The following FAM98B variants were observed in gnomAD, a reference collection of about 807,000 sequenced individuals.
The protein encoded by FAM98B is tRNA-splicing ligase complex subunit FAM98B.
A neutral mutation model predicts 43.9 loss-of-function variants in FAM98B; 32 were observed. That is an observed-to-expected ratio of 0.73 (90% CI 0.55 to 0.98). The LOEUF (loss-of-function observed/expected upper bound fraction) is 0.98, where lower values mean the gene tolerates loss of function less well. FAM98B is among the 50% of genes least tolerant of loss of function. The pLI is 0.00. For synonymous variants in FAM98B, 190 were observed against 174.0 expected (o/e 1.09, Z -0.72); for missense variants, 514 against 522.9 (o/e 0.98, Z 0.17).
At chr15:38,470,173 T>TTTCACTGAAATTA in intron 3 of FAM98B, 54 bp from the exon 4 acceptor site, 1 of 1,262,680 alleles carries the variant, frequency 7.9e-7, no homozygotes, top group Non-Finnish European at 1.1e-6. Context: ...CAGTGAAATA[T>TTTCACTGAAATTA]TTCAAGAGAT....
chr15:38,470,946 T>C (rs1315108780), intron 4 of FAM98B, among the ~76,000 whole-genome samples: 2 of 150,320 alleles, frequency 1.3e-5, no homozygotes, highest in Admixed American at 6.6e-5. Flanking sequence ...TTATGTACTT[T>C]GGCATTTTTT....
intron 1 of FAM98B, among the ~76,000 whole-genome samples, chr15:38,455,405 A>G (rs1320484051): frequency 6.6e-6 from 1 of 152,016 alleles, no homozygotes; most frequent in African/African-American, 2.4e-5. Flanking sequence ...CCCACACCCC[A>G]CTTTATCTTC....
intron 6 of FAM98B, among the ~76,000 whole-genome samples, chr15:38,478,699 T>G (rs939002259): frequency 6.6e-6 from 1 of 152,202 alleles, no homozygotes; most frequent in African/African-American, 2.4e-5. Flanking sequence ...ACTATTTGAT[T>G]AAGGGAAATG....
At chr15:38,483,702 TATATATATAC>T (rs1450841229) in intron 7 of FAM98B, 2 of 137,250 alleles carry the variant, frequency 1.5e-5, no homozygotes, top group African/African-American at 5.4e-5. Context: ...TATATATATA[TATATATATAC>T]ACTAAGGAAT....
chr15:38,471,812 C>T (rs1890134488), intron 4 of FAM98B, among the ~76,000 whole-genome samples: 1 of 152,140 alleles, frequency 6.6e-6, no homozygotes, highest in Admixed American at 6.5e-5. Flanking sequence ...ATAATTATAA[C>T]AGATACATAG....
chr15:38,484,890 C>A lies in FAM98B; in HGVS notation c.*231C>A. 1 of 533,376 alleles carries A rather than the reference C, an allele frequency of 1.9e-6. No individual in the cohort carries two copies. Among genetic ancestry groups the A allele is most frequent in the Non-Finnish European group, 2.8e-6 (1 of 353,282 alleles). 33.0% of individuals were successfully genotyped at this position (533,376 alleles called of 1,614,324 possible). On this transcript the variant is annotated 3_prime_UTR_variant, in exon 8 of 8. Transcript: ENST00000397609. ...CTGTGTACCCTTGAGCATGTTGTGTCTTTTTAAAAAACAAAAAAAAGAACA... is the reference window on the plus strand; with the variant it reads ...CTGTGTACCCTTGAGCATGTTGTGTATTTTTAAAAAACAAAAAAAAGAACA...
Position 38,474,371 on chromosome 15 carries a change from T to A in FAM98B, c.729+73T>A. ...GCTCTTCTGGCTTGCTTGTCTGTTA[T>A]GTAACCATGCCACATTTGTACTTCA... On this transcript the variant is annotated intron_variant, in intron 6 of 7. Coordinates refer to ENST00000397609, the MANE Select transcript of FAM98B (RefSeq NM_173611.4). 6.2e-6 allele frequency: 6 copies of A among 969,532 alleles called. No homozygotes were observed. In the East Asian group the frequency reaches 1.2e-4, roughly 20 times the overall value. The allele number at this position is 969,532 out of a possible 1,614,324, so 60.1% of individuals were successfully genotyped here. A position where few individuals can be genotyped will look rare whatever the true frequency, so the allele number is the denominator to read the frequency against.
At chr15:38,457,785 T>A (rs561949287) in intron 1 of FAM98B, among the ~76,000 whole-genome samples, 1 of 152,100 alleles carries the variant, frequency 6.6e-6, no homozygotes, top group South Asian at 2.1e-4. Flanking sequence ...GGGTGGCAAA[T>A]CTGAGTGGCC....
At chr15:38,471,520 G>C (rs1435590593) in intron 4 of FAM98B, among the ~76,000 whole-genome samples, 1 of 151,998 alleles carries the variant, frequency 6.6e-6, no homozygotes, top group African/African-American at 2.4e-5. Flanking sequence ...TTTTTATTTA[G>C]TATTAACATT....
Position 38,465,384 on chromosome 15 carries a change from G to A in FAM98B, c.333G>A (p.Glu111=), listed in dbSNP as rs1890013901. 4.4e-6 allele frequency: 7 copies of A among 1,595,236 alleles called. No homozygotes were observed. The highest frequency in any genetic ancestry group is 3.3e-4 in the Middle Eastern group (2 of 5,994). ...TTAAAGATCGTTTAAAAAAGAAGGA[G>A]GACTGTTTGAAACTTCTATGTAAGT... ...GDIKDRLKKK[E]DCLKLLLFLS... Residue 111 remains glutamate (E), a synonymous_variant, in exon 3 of 8, where the codon GAG becomes GAA. Transcript: ENST00000397609.
intron 3 of FAM98B, among the ~76,000 whole-genome samples, chr15:38,465,689 G>A (rs998936404): frequency 3.6e-4 from 55 of 151,776 alleles, no homozygotes; most frequent in African/African-American, 1.3e-3. Flanking sequence ...GTTATTGTTC[G>A]TGACTATATG....
chr15:38,470,038 CACTT>C (rs971097270), intron 3 of FAM98B, among the ~76,000 whole-genome samples, 185 bp from the exon 4 acceptor site: 30 of 152,130 alleles, frequency 2.0e-4, no homozygotes, highest in Non-Finnish European at 3.2e-4. Context: ...AAAAACGTAA[CACTT>C]GCTATGGACT....
intron 6 of FAM98B, among the ~76,000 whole-genome samples, chr15:38,480,372 A>C (rs962323347): frequency 1.3e-5 from 2 of 151,994 alleles, no homozygotes; most frequent in Non-Finnish European, 2.9e-5. Flanking sequence ...GCATTCATAG[A>C]TTTATGAGGC....
chr15:38,464,306 G>T, intron 2 of FAM98B, 129 bp downstream of exon 2: 1 of 846,730 alleles, frequency 1.2e-6, no homozygotes. Context: ...TCAGTATGTG[G>T]TAGTAAACAT....
chr15:38,474,476 T>G (rs2141059122), intron 6 of FAM98B, among the ~76,000 whole-genome samples, 178 bp downstream of exon 6: 1 of 152,310 alleles, frequency 6.6e-6, no homozygotes, highest in South Asian at 2.1e-4. Context: ...CTGTTGCATA[T>G]AACTTAATTT....
rs1451295153 is a variant in FAM98B, at chr15:38,474,247, G to GA, written c.681dup (p.Arg228ThrfsTer13). ...ATGAGTGCCGCCGACGAATGTTAAT[G>GA]AAACGATTAGATGTGACTGTACAGT... On this transcript the variant is annotated frameshift_variant, in exon 6 of 8. Coordinates refer to ENST00000397609, the MANE Select transcript of FAM98B (RefSeq NM_173611.4). LOFTEE classifies it high-confidence loss of function. The GA allele has an allele frequency of 6.2e-7, 1 of 1,613,748 alleles. No homozygotes were observed. Among genetic ancestry groups the GA allele is most frequent in the Non-Finnish European group, 8.5e-7 (1 of 1,179,826 alleles).
chr15:38,456,331 G>T (rs1259485439), intron 1 of FAM98B, among the ~76,000 whole-genome samples: 2 of 152,206 alleles, frequency 1.3e-5, no homozygotes, highest in East Asian at 3.8e-4. Flanking sequence ...GTGAAAAACT[G>T]TTCCAGTCTA....
At chr15:38,477,013 T>TG (rs1308897650) in intron 6 of FAM98B, among the ~76,000 whole-genome samples, 1 of 151,764 alleles carries the variant, frequency 6.6e-6, no homozygotes, top group East Asian at 1.9e-4. Flanking sequence ...CAGTTGGGGT[T>TG]GGGGGGCAGG....
chr15:38,458,971 G>T, intron 1 of FAM98B: 1 of 392,968 alleles, frequency 2.5e-6, no homozygotes, highest in Non-Finnish European at 5.2e-6. Flanking sequence ...TGACTTAGCA[G>T]CCCTGGTGGA....
Sources: allele counts gnomAD v4.1 joint callset (sites outside exome capture counted in the v4.1 genomes callset), GRCh38; gene constraint gnomAD v4.1.1; transcripts MANE v1.5; gene names NCBI Gene and HGNC (gene_info 2026-07-23, HGNC 2026-07-21).